The following PTPRN2 variants were observed in gnomAD, a reference collection of about 807,000 sequenced individuals.
The protein encoded by PTPRN2 is receptor-type tyrosine-protein phosphatase N2.
PTPRN2 carries 74 observed loss-of-function variants against 118.8 expected under a neutral mutation model. That is an observed-to-expected ratio of 0.62 (90% CI 0.52 to 0.76). The LOEUF is 0.76. Among genes scored for constraint, PTPRN2 ranks in the 30% least tolerant of loss-of-function variants. The probability of loss-of-function intolerance (pLI) is 0.00; values close to 1 mark genes in which losing one functional copy is unlikely to be tolerated. For synonymous variants in PTPRN2, 641 were observed against 608.0 expected, an observed-to-expected ratio of 1.05 and a Z score of -0.80; for missense variants, 1,481 against 1,394.4, an observed-to-expected ratio of 1.06 and a Z score of -0.99.
intron 9 of PTPRN2, among the ~76,000 whole-genome samples, chr7:158,111,256 G>C (rs553093744): frequency 1.3e-4 from 20 of 152,344 alleles, no homozygotes; most frequent in Middle Eastern, 3.4e-3. Flanking sequence ...CGGATCCATG[G>C]AGAAAGCATC....
intron 8 of PTPRN2, among the ~76,000 whole-genome samples, chr7:158,135,438 A>C (rs1818726202): frequency 6.9e-6 from 1 of 145,470 alleles, no homozygotes; most frequent in Non-Finnish European, 1.5e-5. Flanking sequence ...TCATGTGAGA[A>C]GAAAAAGAAA....
At chr7:158,439,966 T>C (rs1435912231) in intron 2 of PTPRN2, among the ~76,000 whole-genome samples, 2 of 152,248 alleles carry the variant, frequency 1.3e-5, no homozygotes, top group East Asian at 1.9e-4. Context: ...TGTGACATCA[T>C]GTTGAGGCAT....
chr7:158,331,716 T>C (rs1397248169), intron 2 of PTPRN2, among the ~76,000 whole-genome samples: 294 of 83,618 alleles, frequency 3.5e-3, no homozygotes, highest in Middle Eastern at 0.035. Context: ...AACACCCACA[T>C]TCTCACCATA....
chr7:157,897,418 C>T (rs1325243172), intron 12 of PTPRN2, among the ~76,000 whole-genome samples: 2 of 152,214 alleles, frequency 1.3e-5, no homozygotes, highest in African/African-American at 2.4e-5. Context: ...TCTCACCCTT[C>T]ACTGGGTGCT....
chr7:158,272,020 G>C (rs1798546323), intron 3 of PTPRN2, among the ~76,000 whole-genome samples: 1 of 152,292 alleles, frequency 6.6e-6, no homozygotes, highest in Admixed American at 6.5e-5. Flanking sequence ...CATTCTTTTA[G>C]GGTTAAAAGC....
chr7:158,010,523 T>A (rs1585196523), intron 11 of PTPRN2, among the ~76,000 whole-genome samples: 3 of 152,236 alleles, frequency 2.0e-5, no homozygotes, highest in Admixed American at 1.3e-4. Flanking sequence ...TTCTGTTTTG[T>A]CCTGCCCACT....
rs1563470968 is a variant in PTPRN2 at position 158,126,503 on chromosome 7, CGGCGG to C, written c.1556+7169_1556+7173del. On this transcript the variant is annotated intron_variant, in intron 9 of 22. Transcript: ENST00000389418. ...CCACACCAGCCCCCAGGACAGCGGG[CGGCGG>C]AACTTCCTCTCCGCCACACCAGCCC... 1.8e-4 allele frequency among the ~76,000 whole-genome samples: 10 copies of C among 55,888 alleles called. 2 individuals carry two copies. The highest frequency in any genetic ancestry group is 9.8e-4 in the African/African-American group (10 of 10,254). 36.7% of individuals were successfully genotyped at this position (55,888 alleles called of 152,430 possible). A position where few individuals can be genotyped will look rare whatever the true frequency, so the allele number is the denominator to read the frequency against.
At chr7:158,405,094 G>A (rs12537475) in intron 2 of PTPRN2, among the ~76,000 whole-genome samples, 137,142 of 141,834 alleles carry the variant, frequency 0.97, 66,307 homozygotes, top group African/African-American at 0.99. Flanking sequence ...TCAGCTCCCC[G>A]GCCCCAGCTC....
chr7:158,393,391 G>A (rs572929931), intron 2 of PTPRN2, among the ~76,000 whole-genome samples: 72 of 152,314 alleles, frequency 4.7e-4, no homozygotes, highest in Admixed American at 4.0e-3. Flanking sequence ...GCACGTCGGA[G>A]GGACTTCGCT....
intron 11 of PTPRN2, among the ~76,000 whole-genome samples, chr7:158,021,480 GCACACA>G (rs535510329): frequency 1.4e-4 from 21 of 152,096 alleles, no homozygotes; most frequent in Middle Eastern, 3.4e-3. Flanking sequence ...CCACGCACAC[GCACACA>G]CACAGAGGAT....
chr7:158,462,445 T>C lies in PTPRN2; in HGVS notation c.163+27290A>G, dbSNP rs147207242. Among the ~76,000 whole-genome samples the C allele has an allele frequency of 3.2e-3, 484 of 152,306 alleles. 2 individuals are homozygous for C. The highest frequency in any genetic ancestry group is 0.011 in the African/African-American group (460 of 41,560). ...TCTGCTCTCACATGATGCGATACCG[T>C]ACTTGCATTTGACAGAAAACACACA... On this transcript the variant is annotated intron_variant, in intron 2 of 22. Coordinates refer to ENST00000389418, the MANE Select transcript of PTPRN2 (RefSeq NM_002847.5).
chr7:158,150,926 C>G (rs1480343158), intron 6 of PTPRN2, among the ~76,000 whole-genome samples: 1 of 152,030 alleles, frequency 6.6e-6, no homozygotes, highest in East Asian at 1.9e-4. Context: ...CCACACAACA[C>G]CGAGAAGCTG....
At chr7:158,318,506 G>C (rs1802535170) in intron 2 of PTPRN2, among the ~76,000 whole-genome samples, 1 of 152,114 alleles carries the variant, frequency 6.6e-6, no homozygotes, top group Non-Finnish European at 1.5e-5. Flanking sequence ...AGAACCAAAA[G>C]CCAGGTTCCT....
chr7:158,292,920 T>G (rs568345665), intron 3 of PTPRN2, among the ~76,000 whole-genome samples: 1 of 151,816 alleles, frequency 6.6e-6, no homozygotes, highest in Non-Finnish European at 1.5e-5. Context: ...ATACAAAAAT[T>G]AGCCTGGCGA....
chr7:157,756,999 G>A (rs73165826), intron 12 of PTPRN2, among the ~76,000 whole-genome samples: 11,027 of 152,274 alleles, frequency 0.072, 442 homozygotes, highest in South Asian at 0.1. Context: ...GCCGAAGTCA[G>A]GGATGTGGGG....
intron 13 of PTPRN2, among the ~76,000 whole-genome samples, chr7:157,666,228 G>C (rs1796130693): frequency 1.3e-5 from 2 of 152,098 alleles, no homozygotes; most frequent in Admixed American, 1.3e-4. Flanking sequence ...CCTGTCCCTG[G>C]AGATGGAGCT....
chr7:157,834,683 C>T (rs1181590625), intron 12 of PTPRN2, among the ~76,000 whole-genome samples: 1 of 152,244 alleles, frequency 6.6e-6, no homozygotes, highest in Non-Finnish European at 1.5e-5. Flanking sequence ...AGAGTGCACG[C>T]TCGCAGAGGG....
chr7:158,283,369 T>G (rs1799559299), intron 3 of PTPRN2, among the ~76,000 whole-genome samples: 1 of 152,046 alleles, frequency 6.6e-6, no homozygotes. Flanking sequence ...CCGTCTGCCA[T>G]CCGTCCCAGA....
chr7:157,811,467 A>G (rs112779260), intron 12 of PTPRN2, among the ~76,000 whole-genome samples: 299 of 151,642 alleles, frequency 2.0e-3, no homozygotes, highest in African/African-American at 7.0e-3. Flanking sequence ...TGTGTACCTG[A>G]GTGTGTTCAA....
Sources: gnomAD v4.1 joint callset for allele counts (sites outside exome capture counted in the v4.1 genomes callset) on GRCh38, gnomAD v4.1.1 for gene constraint, MANE v1.5 for transcripts, NCBI Gene and HGNC (gene_info 2026-07-23, HGNC 2026-07-21) for gene names.